SPOP: variants seen among roughly 807,000 people sequenced by gnomAD.
SPOP encodes speckle-type POZ protein.
In SPOP, 11 loss-of-function variants were observed where a neutral mutation model predicts 45.6. That is an observed-to-expected ratio of 0.24 (90% CI 0.15 to 0.40). The LOEUF (loss-of-function observed/expected upper bound fraction) is 0.40, where lower values mean the gene tolerates loss of function less well. Among genes scored for constraint, SPOP ranks in the 10% least tolerant of loss-of-function variants. SPOP has a pLI of 1.00. For synonymous variants in SPOP, 166 were observed against 166.3 expected (o/e 1.00, Z 0.01); for missense variants, 152 against 465.6 (o/e 0.33, Z 6.20).
intron 1 of SPOP, among the ~76,000 whole-genome samples, chr17:49,672,094 C>T (rs752056132): frequency 6.6e-5 from 10 of 152,136 alleles, no homozygotes; most frequent in South Asian, 2.1e-4. Context: ...GAGCCAAGAT[C>T]GCTCCACTGC....
At chr17:49,668,990 G>A (rs1225416549) in intron 1 of SPOP, among the ~76,000 whole-genome samples, 3 of 151,086 alleles carry the variant, frequency 2.0e-5, no homozygotes, top group Admixed American at 6.6e-5. Flanking sequence ...GTTAGCCAGG[G>A]TGGTATCGAT....
chr17:49,660,481 C>A (rs936329282), intron 1 of SPOP, among the ~76,000 whole-genome samples: 1 of 152,112 alleles, frequency 6.6e-6, no homozygotes, highest in Non-Finnish European at 1.5e-5. Context: ...TTCCAATAAA[C>A]CATATATTTT....
intron 1 of SPOP, among the ~76,000 whole-genome samples, chr17:49,666,719 T>C (rs571118203): frequency 7.1e-4 from 108 of 152,084 alleles, no homozygotes; most frequent in African/African-American, 2.4e-3. Context: ...TCCCAGCTAC[T>C]TGAGAGGCTG....
chr17:49,614,801 A>AAGTGTGTGTGTG (rs1291695955), intron 5 of SPOP, among the ~76,000 whole-genome samples: 1 of 95,182 alleles, frequency 1.1e-5, no homozygotes. Context: ...CCATGCTATG[A>AAGTGTGTGTGTG]AGTGTGTGTG....
chr17:49,609,931 G>GA (rs143853980), intron 6 of SPOP, among the ~76,000 whole-genome samples: 1 of 151,926 alleles, frequency 6.6e-6, no homozygotes, highest in Non-Finnish European at 1.5e-5. Context: ...AGCAGAGGTA[G>GA]AAAAAAAGTC....
chr17:49,617,525 GGA>G lies in SPOP; in HGVS notation c.480+1454_480+1455del, dbSNP rs529543465. 4.4e-3 allele frequency among the ~76,000 whole-genome samples: 667 copies of G among 152,280 alleles called. 4 individuals carry two copies. The highest frequency in any genetic ancestry group is 7.6e-3 in the Non-Finnish European group (520 of 68,006). ...CCTTCTTTTACTTGGTAATTAAAAA[GGA>G]GAGGGGATACCAAATTATGCAAACT... On this transcript the variant is annotated intron_variant, in intron 5 of 9. Transcript: ENST00000504102.
intron 5 of SPOP, among the ~76,000 whole-genome samples, chr17:49,615,299 T>C (rs1311762406): frequency 6.6e-6 from 1 of 152,236 alleles, no homozygotes; most frequent in Non-Finnish European, 1.5e-5. Context: ...GTTCTGGGAT[T>C]ATCTACCTGT....
intron 1 of SPOP, among the ~76,000 whole-genome samples, chr17:49,658,490 T>A (rs761239566): frequency 3.3e-5 from 5 of 152,222 alleles, no homozygotes; most frequent in Non-Finnish European, 5.9e-5. Context: ...GTGCTCCTAA[T>A]GAGAAGTAAT....
intron 5 of SPOP, chr17:49,612,871 C>T (rs2072003355): frequency 6.6e-6 from 1 of 152,188 alleles, no homozygotes; most frequent in Non-Finnish European, 1.5e-5. Flanking sequence ...TTCTTTTAAC[C>T]TTCAAGATGC....
intron 1 of SPOP, among the ~76,000 whole-genome samples, chr17:49,647,094 A>G (rs1203849360): frequency 6.6e-6 from 1 of 151,964 alleles, no homozygotes; most frequent in African/African-American, 2.4e-5. Context: ...GTTGCAGACC[A>G]TCCTGGCCAA....
At chr17:49,647,313 TAAAAA>T (rs1156781114) in intron 1 of SPOP, among the ~76,000 whole-genome samples, 3 of 43,118 alleles carry the variant, frequency 7.0e-5, no homozygotes, top group African/African-American at 1.0e-4. Flanking sequence ...GATGCCGTCT[TAAAAA>T]AAAAAAAAAA....
chr17:49,615,258 A>G (rs995427787), intron 5 of SPOP, among the ~76,000 whole-genome samples: 2 of 152,214 alleles, frequency 1.3e-5, no homozygotes, highest in Non-Finnish European at 2.9e-5. Context: ...GTTATTTCAT[A>G]TTTCATCTTT....
At position 49,618,560 on chromosome 17, in the gene SPOP, G is replaced by T. The variant is rs530404741; in HGVS notation, c.480+421C>A. The T allele has an allele frequency of 1.3e-5, 6 of 456,754 alleles. No homozygotes were observed. In the Admixed American group the frequency reaches 1.4e-4, roughly 11 times the overall value. 28.3% of individuals were successfully genotyped at this position (456,754 alleles called of 1,614,324 possible). ...AACCATAGGCCTCAACTCTTGATAA[G>T]AATCTAGTTCAAAGAGCAGAAAAGG... On this transcript the variant is annotated intron_variant, in intron 5 of 9. Coordinates refer to ENST00000504102, the MANE Select transcript of SPOP (RefSeq NM_001007228.2).
intron 1 of SPOP, among the ~76,000 whole-genome samples, chr17:49,657,386 G>C (rs1241648005): frequency 9.9e-5 from 15 of 151,922 alleles, no homozygotes; most frequent in Admixed American, 9.8e-4. Context: ...TATGTACAAC[G>C]ATGTTCATCA....
chr17:49,672,771 AC>A (rs1350101887), intron 1 of SPOP, among the ~76,000 whole-genome samples: 2 of 151,982 alleles, frequency 1.3e-5, no homozygotes, highest in Non-Finnish European at 2.9e-5. Context: ...ACATGGTGAA[AC>A]CCCGTCTCTA....
intron 1 of SPOP, among the ~76,000 whole-genome samples, chr17:49,656,948 G>A (rs373153319): frequency 6.6e-6 from 1 of 152,098 alleles, no homozygotes; most frequent in Non-Finnish European, 1.5e-5. Context: ...TTGGGAGGCC[G>A]AGGCAGGCAG....
At chr17:49,675,065 AT>A (rs1354870544) in intron 1 of SPOP, among the ~76,000 whole-genome samples, 27 of 152,380 alleles carry the variant, frequency 1.8e-4, no homozygotes, top group African/African-American at 6.5e-4. Context: ...AGGAATATAA[AT>A]TCATACAACC....
At chr17:49,637,871 A>G (rs1240494183) in intron 1 of SPOP, among the ~76,000 whole-genome samples, 2 of 152,186 alleles carry the variant, frequency 1.3e-5, no homozygotes, top group African/African-American at 4.8e-5. Context: ...CATGTATCCT[A>G]TGGTTTTCTG....
chr17:49,664,786 T>C (rs1414440148), intron 1 of SPOP, among the ~76,000 whole-genome samples: 2 of 152,208 alleles, frequency 1.3e-5, no homozygotes, highest in Non-Finnish European at 2.9e-5. Flanking sequence ...GAATCTGAAT[T>C]ATGCCTCATG....
Sources: gnomAD v4.1 joint callset for allele counts (sites outside exome capture counted in the v4.1 genomes callset) on GRCh38, gnomAD v4.1.1 for gene constraint, MANE v1.5 for transcripts, NCBI Gene and HGNC (gene_info 2026-07-23, HGNC 2026-07-21) for gene names.